The following MALRD1 variants were observed in gnomAD, a reference collection of about 807,000 sequenced individuals.
The protein encoded by MALRD1 is MAM and LDL-receptor class A domain-containing protein 1.
A neutral mutation model predicts 242.1 loss-of-function variants in MALRD1; 247 were observed. That is an observed-to-expected ratio of 1.02 (90% CI 0.92 to 1.13). The LOEUF (loss-of-function observed/expected upper bound fraction) is 1.13, where lower values mean the gene tolerates loss of function less well. Ranked by LOEUF, MALRD1 falls within the 50% of genes most tolerant of loss-of-function variation. MALRD1 has a pLI of 0.00. For synonymous variants in MALRD1, 995 were observed against 866.6 expected, an observed-to-expected ratio of 1.15 and a Z score of -2.60; for missense variants, 2,989 against 2,533.1, an observed-to-expected ratio of 1.18 and a Z score of -3.86.
intron 21 of MALRD1, among the ~76,000 whole-genome samples, chr10:19,284,373 G>T (rs1186015952): frequency 6.7e-6 from 1 of 149,200 alleles, no homozygotes; most frequent in African/African-American, 2.5e-5. Context: ...CTAGCATTAG[G>T]TATATCTCCC....
At chr10:19,157,205 A>G (rs1834189259) in intron 12 of MALRD1, among the ~76,000 whole-genome samples, 1 of 152,018 alleles carries the variant, frequency 6.6e-6, no homozygotes, top group Non-Finnish European at 1.5e-5. Flanking sequence ...GGATTTTTCT[A>G]AGACTATAAT....
At chr10:19,178,629 C>A (rs1406389128) in intron 14 of MALRD1, among the ~76,000 whole-genome samples, 2 of 152,188 alleles carry the variant, frequency 1.3e-5, no homozygotes, top group African/African-American at 4.8e-5. Context: ...CAAGCTTCTT[C>A]TCCTTCAGAA....
intron 14 of MALRD1, among the ~76,000 whole-genome samples, chr10:19,190,449 A>T (rs1835921772): frequency 6.6e-6 from 1 of 152,098 alleles, no homozygotes; most frequent in Non-Finnish European, 1.5e-5. Context: ...ATAGAAAGTA[A>T]GTTCATATTG....
intron 35 of MALRD1, among the ~76,000 whole-genome samples, chr10:19,609,947 T>C (rs922427040): frequency 6.6e-6 from 1 of 151,064 alleles, no homozygotes; most frequent in African/African-American, 2.5e-5. Context: ...ATATTGATAA[T>C]GGTGGTGATT....
chr10:19,690,324 C>G (rs1019622347), intron 36 of MALRD1, among the ~76,000 whole-genome samples: 7 of 152,028 alleles, frequency 4.6e-5, no homozygotes, highest in African/African-American at 1.7e-4. Flanking sequence ...CATAACTGCT[C>G]TGTGGAAAAT....
intron 4 of MALRD1, among the ~76,000 whole-genome samples, chr10:19,101,249 C>CATATAT (rs34397417): frequency 6.9e-6 from 1 of 144,410 alleles, no homozygotes; most frequent in South Asian, 2.1e-4. Flanking sequence ...ATTTGAAATA[C>CATATAT]ATATATATAT....
At chr10:19,279,718 G>T (rs1348073227) in intron 19 of MALRD1, among the ~76,000 whole-genome samples, 2 of 152,150 alleles carry the variant, frequency 1.3e-5, no homozygotes, top group Non-Finnish European at 1.5e-5. Flanking sequence ...CTTTACTCTG[G>T]CTCTTAATTC....
chr10:19,494,680 A>G (rs1027725264), intron 30 of MALRD1, among the ~76,000 whole-genome samples: 2 of 152,204 alleles, frequency 1.3e-5, no homozygotes, highest in African/African-American at 4.8e-5. Context: ...GAAAGAATCA[A>G]GAGCTTGAAG....
intron 36 of MALRD1, among the ~76,000 whole-genome samples, chr10:19,689,092 A>G (rs1011076218): frequency 6.6e-6 from 1 of 152,210 alleles, no homozygotes; most frequent in Non-Finnish European, 1.5e-5. Context: ...CTAAAAATAA[A>G]TGTCTGTGAC....
At position 19,123,534 on chromosome 10, in the gene MALRD1, A is replaced by G; in HGVS notation, c.737A>G (p.Glu246Gly). The G allele has an allele frequency of 1.6e-6, 2 of 1,233,798 alleles. No homozygotes were observed. Among genetic ancestry groups the G allele is most frequent in the Non-Finnish European group, 2.0e-6 (2 of 988,058 alleles). 76.4% of individuals were successfully genotyped at this position (1,233,798 alleles called of 1,614,324 possible). A position where few individuals can be genotyped will look rare whatever the true frequency, so the allele number is the denominator to read the frequency against. The change falls in exon 6 of 40, where the codon GAG becomes GGG. Residue 246 changes from glutamate to glycine, a missense_variant. Glu to Gly is a moderately conservative substitution (Grantham distance 98). Transcript: ENST00000454679. ...LCQEALNAERELCHPDTDLCR... is the reference protein window; with the variant it reads ...LCQEALNAERGLCHPDTDLCR... ...CAAGAAGCATTGAATGCTGAGCGGG[A>G]GCTATGCCATCCAGATACAGATCTC...
intron 34 of MALRD1, among the ~76,000 whole-genome samples, chr10:19,602,402 G>A (rs1392608291): frequency 7.2e-6 from 1 of 139,426 alleles, no homozygotes; most frequent in Non-Finnish European, 1.5e-5. Context: ...GTGTCCAAGT[G>A]TTCTCATTGT....
intron 2 of MALRD1, among the ~76,000 whole-genome samples, chr10:19,075,242 C>G (rs925808502): frequency 6.6e-6 from 1 of 151,986 alleles, no homozygotes; most frequent in African/African-American, 2.4e-5. Context: ...AATCTGCCCC[C>G]GTCCCCAATT....
rs527957312 is a variant in MALRD1 at position 19,681,215 on chromosome 10, C to T, written c.6138-11067C>T. The stretch of plus-strand genomic sequence containing the variant: ...GAATGTTGGTCTGTCTTGCTAGGTT[C>T]GGGAAGTTCTCCTGGATGATATCGT... On this transcript the variant is annotated intron_variant, in intron 36 of 39. Coordinates refer to ENST00000454679, the MANE Select transcript of MALRD1 (RefSeq NM_001142308.3). Among the ~76,000 whole-genome samples, 13 of 152,208 alleles carry T rather than the reference C, an allele frequency of 8.5e-5. No homozygotes were observed. In the South Asian group the frequency reaches 1.0e-3, roughly 12 times the overall value.
At chr10:19,352,449 C>A (rs1470664153) in intron 26 of MALRD1, among the ~76,000 whole-genome samples, 152 bp downstream of exon 26, 1 of 150,596 alleles carries the variant, frequency 6.6e-6, no homozygotes. Flanking sequence ...AAAAATATTT[C>A]TCAAGCCTTT....
intron 35 of MALRD1, among the ~76,000 whole-genome samples, chr10:19,610,296 G>A (rs928951992): frequency 2.6e-5 from 4 of 151,874 alleles, no homozygotes; most frequent in African/African-American, 9.6e-5. Context: ...TTACCCTACT[G>A]TGCAGTAGAA....
At chr10:19,155,260 T>G in intron 12 of MALRD1, 88 bp downstream of exon 12, 1 of 572,488 alleles carries the variant, frequency 1.7e-6, no homozygotes, top group Admixed American at 4.4e-5. Flanking sequence ...GCCCGCCATG[T>G]TTTACTAGCA....
At chr10:19,562,025 G>T (rs985090613) in intron 32 of MALRD1, among the ~76,000 whole-genome samples, 1 of 152,112 alleles carries the variant, frequency 6.6e-6, no homozygotes, top group Non-Finnish European at 1.5e-5. Flanking sequence ...GGGGCCAGGC[G>T]CAGTGGCTTA....
At chr10:19,470,594 C>T (rs1836444801) in intron 29 of MALRD1, among the ~76,000 whole-genome samples, 1 of 151,776 alleles carries the variant, frequency 6.6e-6, no homozygotes, top group Non-Finnish European at 1.5e-5. Context: ...CACATTCTCC[C>T]CTTTTATTTT....
chr10:19,600,701 G>T (rs923788175), intron 34 of MALRD1, among the ~76,000 whole-genome samples: 4 of 152,050 alleles, frequency 2.6e-5, no homozygotes, highest in Non-Finnish European at 5.9e-5. Flanking sequence ...ATGCAGCAAC[G>T]ATAATCGATT....
Sources: gnomAD v4.1 joint callset for allele counts (sites outside exome capture counted in the v4.1 genomes callset) on GRCh38, gnomAD v4.1.1 for gene constraint, MANE v1.5 for transcripts, NCBI Gene and HGNC (gene_info 2026-07-23, HGNC 2026-07-21) for gene names.